The following PTPRD variants were observed in gnomAD, a reference collection of about 807,000 sequenced individuals.
The protein encoded by PTPRD is protein tyrosine phosphatase receptor type D.
PTPRD carries 34 observed loss-of-function variants against 214.5 expected under a neutral mutation model. The ratio of observed to expected loss-of-function variants is 0.16; its 90% CI spans 0.12 to 0.21. PTPRD has a LOEUF of 0.21. PTPRD is among the 10% of genes least tolerant of loss of function. The pLI is 1.00. For synonymous variants in PTPRD, 1,128 were observed against 845.7 expected (o/e 1.33, Z -5.79); for missense variants, 2,545 against 2,398.7 (o/e 1.06, Z -1.27).
At chr9:9,845,212 CTATATA>C (rs370895852) in intron 5 of PTPRD, among the ~76,000 whole-genome samples, 1 of 120,046 alleles carries the variant, frequency 8.3e-6, no homozygotes, top group Non-Finnish European at 1.7e-5. Context: ...ATATATACTG[CTATATA>C]TATATATATA....
intron 7 of PTPRD, among the ~76,000 whole-genome samples, chr9:9,672,579 C>G (rs2096852077): frequency 6.6e-6 from 1 of 152,112 alleles, no homozygotes; most frequent in African/African-American, 2.4e-5. Context: ...CCTTAAAGCT[C>G]ATGATCTGAA....
Position 8,317,888 on chromosome 9 carries a change from G to C in PTPRD, c.5725C>G (p.His1909Asp), listed in dbSNP as rs2130447627. 1 of 1,612,126 alleles carries C rather than the reference G, an allele frequency of 6.2e-7. No individual in the cohort carries two copies. Among genetic ancestry groups the C allele is most frequent in the South Asian group, 1.1e-5 (1 of 91,028 alleles). Residue 1909 changes from histidine to aspartate, a missense_variant, in exon 46 of 46, where the codon CAC becomes GAC. Physicochemically the swap from His to Asp is moderately conservative, Grantham distance 81. Transcript: ENST00000381196. The stretch of plus-strand genomic sequence containing the variant: ...GTCAGGGGTTTCTACGTTGCATAGT[G>C]GTCAAAGCTGCCCAGGTACTCTAGT... ...AALEYLGSFDHYAT is the reference protein window; with the variant it reads ...AALEYLGSFDDYAT
intron 4 of PTPRD, among the ~76,000 whole-genome samples, chr9:9,941,401 C>A (rs1036675558): frequency 6.6e-6 from 1 of 152,186 alleles, no homozygotes; most frequent in Non-Finnish European, 1.5e-5. Context: ...CAGCTCGCTG[C>A]AATTTCTGCC....
At chr9:9,137,636 A>C (rs1569551287) in intron 10 of PTPRD, among the ~76,000 whole-genome samples, 1 of 152,192 alleles carries the variant, frequency 6.6e-6, no homozygotes, top group Non-Finnish European at 1.5e-5. Context: ...TTTCTAAACA[A>C]ATTAGTTTAT....
At chr9:10,345,300 A>C (rs2097051260) in intron 2 of PTPRD, among the ~76,000 whole-genome samples, 1 of 152,092 alleles carries the variant, frequency 6.6e-6, no homozygotes, top group Non-Finnish European at 1.5e-5. Context: ...ATTATACTTT[A>C]AGTTCTGGGA....
intron 14 of PTPRD, among the ~76,000 whole-genome samples, chr9:8,593,913 G>A (rs2094302002): frequency 2.0e-5 from 3 of 152,032 alleles, no homozygotes; most frequent in Non-Finnish European, 4.4e-5. Flanking sequence ...TCAAAGAGCT[G>A]GCCCTGGGAA....
chr9:8,868,340 G>A (rs1164411727), intron 11 of PTPRD, among the ~76,000 whole-genome samples: 1 of 152,030 alleles, frequency 6.6e-6, no homozygotes, highest in Admixed American at 6.5e-5. Flanking sequence ...CTGGGATTAG[G>A]GGCATGTACC....
chr9:8,458,906 A>G (rs893464444), intron 33 of PTPRD, among the ~76,000 whole-genome samples: 1 of 152,106 alleles, frequency 6.6e-6, no homozygotes, highest in African/African-American at 2.4e-5. Context: ...AATGATGGAT[A>G]TATCTTTCAT....
At chr9:9,858,113 G>C (rs1386866125) in intron 5 of PTPRD, among the ~76,000 whole-genome samples, 1 of 152,080 alleles carries the variant, frequency 6.6e-6, no homozygotes, top group Non-Finnish European at 1.5e-5. Context: ...CTGTGCAATT[G>C]TTTTAGTGAA....
intron 24 of PTPRD, 41 bp from the exon 25 acceptor site, chr9:8,499,881 G>T (rs756009540): frequency 2.0e-6 from 3 of 1,533,470 alleles, no homozygotes; most frequent in Non-Finnish European, 2.6e-6. Context: ...ATAGGCACTT[G>T]TCCCACCCTA....
At chr9:9,419,068 A>T (rs1423425886) in intron 8 of PTPRD, among the ~76,000 whole-genome samples, 1 of 151,156 alleles carries the variant, frequency 6.6e-6, no homozygotes, top group East Asian at 1.9e-4. Flanking sequence ...ATGCTACAAG[A>T]GTATTCTATT....
At chr9:9,083,211 A>G (rs200652321) in intron 10 of PTPRD, among the ~76,000 whole-genome samples, 1 of 152,038 alleles carries the variant, frequency 6.6e-6, no homozygotes. Flanking sequence ...GATATATAGA[A>G]CAATGGAACA....
chr9:8,487,359 A>G (rs1170344274), intron 27 of PTPRD, among the ~76,000 whole-genome samples: 1 of 152,162 alleles, frequency 6.6e-6, no homozygotes, highest in African/African-American at 2.4e-5. Flanking sequence ...TTTAATGGAG[A>G]GCAATTATTA....
intron 7 of PTPRD, among the ~76,000 whole-genome samples, chr9:9,617,198 T>C (rs1309703340): frequency 6.6e-6 from 1 of 152,198 alleles, no homozygotes; most frequent in Non-Finnish European, 1.5e-5. Flanking sequence ...TAGAAATATA[T>C]ATCTACAGAG....
chr9:9,923,405 A>C (rs902208470), intron 5 of PTPRD, among the ~76,000 whole-genome samples: 1 of 126,084 alleles, frequency 7.9e-6, no homozygotes, highest in Admixed American at 7.9e-5. Flanking sequence ...CTGATTAATC[A>C]TTAAAAAAAT....
At chr9:8,842,942 C>A (rs2097588893) in intron 11 of PTPRD, among the ~76,000 whole-genome samples, 1 of 152,084 alleles carries the variant, frequency 6.6e-6, no homozygotes. Context: ...TAAGACAGAT[C>A]TATCTGCTTT....
chr9:8,338,864 AGG>A, intron 43 of PTPRD, 56 bp downstream of exon 43: 1 of 1,500,038 alleles, frequency 6.7e-7, no homozygotes, highest in South Asian at 1.3e-5. Flanking sequence ...AGAGAGAGAG[AGG>A]TATCTTAGAC....
At chr9:9,729,904 T>C (rs903972682) in intron 7 of PTPRD, among the ~76,000 whole-genome samples, 9 of 152,126 alleles carry the variant, frequency 5.9e-5, no homozygotes, top group African/African-American at 2.2e-4. Flanking sequence ...TTAATAACTG[T>C]GTATAATGTT....
chr9:8,718,977 T>C (rs1485531395), intron 12 of PTPRD, among the ~76,000 whole-genome samples: 1 of 152,226 alleles, frequency 6.6e-6, no homozygotes, highest in Non-Finnish European at 1.5e-5. Context: ...GAAGCATCTA[T>C]AATGTGATCA....
Sources: allele counts gnomAD v4.1 joint callset (sites outside exome capture counted in the v4.1 genomes callset), GRCh38; gene constraint gnomAD v4.1.1; transcripts MANE v1.5; gene names NCBI Gene and HGNC (gene_info 2026-07-23, HGNC 2026-07-21).